The following STX8 variants were observed in gnomAD, a reference collection of about 807,000 sequenced individuals.
The protein encoded by STX8 is syntaxin 8, also known as syntaxin-8.
In STX8, 23 loss-of-function variants were observed where a neutral mutation model predicts 37.5. That is an observed-to-expected ratio of 0.61 (90% CI 0.44 to 0.87). STX8 has a LOEUF of 0.87. Ranked by LOEUF, STX8 falls within the 40% of genes least tolerant of loss-of-function variation. The pLI, the probability that STX8 is intolerant of heterozygous loss-of-function variation, is 0.00. For synonymous variants in STX8, 115 were observed against 99.1 expected (o/e 1.16, Z -0.95); for missense variants, 313 against 284.7 (o/e 1.10, Z -0.71).
chr17:9,550,348 A>T (rs1308432003), intron 3 of STX8, among the ~76,000 whole-genome samples: 2 of 152,158 alleles, frequency 1.3e-5, no homozygotes, highest in South Asian at 4.1e-4. Context: ...AAAGGAAGAG[A>T]AGAGCTAACT....
intron 2 of STX8, among the ~76,000 whole-genome samples, chr17:9,560,826 G>C (rs1907205314): frequency 6.6e-6 from 1 of 151,474 alleles, no homozygotes; most frequent in Middle Eastern, 3.2e-3. Context: ...CCATGAATAT[G>C]TATAATGTTC....
intron 7 of STX8, among the ~76,000 whole-genome samples, chr17:9,287,618 A>G (rs1908125124): frequency 1.3e-5 from 2 of 152,200 alleles, no homozygotes; most frequent in South Asian, 4.1e-4. Context: ...AAACAAAGAC[A>G]AAAGAAATGC....
At chr17:9,296,721 A>G (rs1908564371) in intron 7 of STX8, among the ~76,000 whole-genome samples, 1 of 152,070 alleles carries the variant, frequency 6.6e-6, no homozygotes. Context: ...AAGTGAATAT[A>G]AAGCAGTTAT....
chr17:9,293,245 C>T (rs552255518), intron 7 of STX8, among the ~76,000 whole-genome samples: 11 of 152,276 alleles, frequency 7.2e-5, no homozygotes, highest in African/African-American at 2.6e-4. Flanking sequence ...TTGGGTAGAT[C>T]CCATGAATAC....
At chr17:9,503,932 TTTTTTA>T (rs1292109015) in intron 5 of STX8, among the ~76,000 whole-genome samples, 2 of 151,950 alleles carry the variant, frequency 1.3e-5, no homozygotes, top group Admixed American at 6.6e-5. Context: ...ACCCAGCTAA[TTTTTTA>T]TTTTTAGTAG....
At chr17:9,466,024 G>A (rs1394901823) in intron 6 of STX8, among the ~76,000 whole-genome samples, 1 of 151,766 alleles carries the variant, frequency 6.6e-6, no homozygotes, top group Non-Finnish European at 1.5e-5. Flanking sequence ...AGGCTGGAGT[G>A]CACTGGCGCA....
intron 7 of STX8, among the ~76,000 whole-genome samples, chr17:9,370,977 GAGGGAGGAAA>G (rs941213803): frequency 2.6e-5 from 4 of 151,746 alleles, no homozygotes; most frequent in African/African-American, 9.7e-5. Flanking sequence ...GGGTGGGGTT[GAGGGAGGAAA>G]AGGGAGGAAA....
At chr17:9,289,444 A>G (rs1908226390) in intron 7 of STX8, among the ~76,000 whole-genome samples, 1 of 152,172 alleles carries the variant, frequency 6.6e-6, no homozygotes, top group Non-Finnish European at 1.5e-5. Context: ...CGAGGACTCC[A>G]GGAGAGCTGA....
chr17:9,415,691 C>T (rs1913164861), intron 6 of STX8, among the ~76,000 whole-genome samples: 1 of 152,142 alleles, frequency 6.6e-6, no homozygotes, highest in African/African-American at 2.4e-5. Flanking sequence ...ATGGCGTGAA[C>T]CCGGTAGGTG....
At chr17:9,351,827 A>C (rs1237707507) in intron 7 of STX8, among the ~76,000 whole-genome samples, 3 of 152,134 alleles carry the variant, frequency 2.0e-5, no homozygotes, top group Non-Finnish European at 4.4e-5. Flanking sequence ...TTTTTGGCAT[A>C]AATACAGTAG....
At chr17:9,398,132 C>A (rs747107131) in intron 6 of STX8, among the ~76,000 whole-genome samples, 3 of 152,054 alleles carry the variant, frequency 2.0e-5, no homozygotes, top group Non-Finnish European at 2.9e-5. Flanking sequence ...TAGGTGTAGG[C>A]TGCATGTAGT....
At chr17:9,417,558 C>A (rs576710517) in intron 6 of STX8, among the ~76,000 whole-genome samples, 20 of 152,104 alleles carry the variant, frequency 1.3e-4, no homozygotes, top group African/African-American at 4.8e-4. Context: ...TCATAAAAAA[C>A]CCCTTGTTAA....
chr17:9,358,458 G>C (rs1910953406), intron 7 of STX8, among the ~76,000 whole-genome samples: 1 of 152,166 alleles, frequency 6.6e-6, no homozygotes, highest in Admixed American at 6.5e-5. Context: ...AGGCATAATG[G>C]AAATGACAAG....
intron 6 of STX8, among the ~76,000 whole-genome samples, chr17:9,391,931 C>T (rs1317131592): frequency 3.9e-5 from 6 of 152,126 alleles, no homozygotes; most frequent in East Asian, 1.9e-4. Context: ...AGTGCATACA[C>T]GGAGCTGACC....
chr17:9,380,709 C>CT (rs776433325), intron 6 of STX8, among the ~76,000 whole-genome samples: 80,503 of 98,542 alleles, frequency 0.82, 36,141 homozygotes, highest in Middle Eastern at 0.98. Context: ...GATACAGAAA[C>CT]TTTTTTTTTT....
intron 7 of STX8, among the ~76,000 whole-genome samples, chr17:9,370,043 G>A (rs993046528): frequency 3.3e-5 from 5 of 151,714 alleles, no homozygotes; most frequent in East Asian, 1.9e-4. Flanking sequence ...GTGAAACCCC[G>A]TCTCTACTAA....
intron 6 of STX8, among the ~76,000 whole-genome samples, chr17:9,415,424 C>G (rs1041842744): frequency 6.6e-5 from 10 of 152,110 alleles, no homozygotes; most frequent in African/African-American, 2.2e-4. Flanking sequence ...CTGGCTTCTA[C>G]TCTACATACT....
chr17:9,407,517 GC>G (rs59113650), intron 6 of STX8, among the ~76,000 whole-genome samples: 25,438 of 152,218 alleles, frequency 0.17, 2,548 homozygotes, highest in East Asian at 0.39. Flanking sequence ...AGTGACCATG[GC>G]CGTGTCACAG....
At position 9,465,696 on chromosome 17, in the gene STX8, G is replaced by A. The variant is rs962100773; in HGVS notation, c.541+26133C>T. ...AAACTGAACAGCGCTATGCGGTATC[G>A]GATCACTCGAACAACGACGACAACA... is the stretch of plus-strand genomic sequence containing the variant. On this transcript the variant is annotated intron_variant, in intron 6 of 7. Transcript: ENST00000306357. 2.6e-5 allele frequency among the ~76,000 whole-genome samples: 4 copies of A among 152,108 alleles called. No homozygotes were observed. In the South Asian group the frequency reaches 6.2e-4, roughly 24 times the overall value.
Sources: gnomAD v4.1 joint callset for allele counts (sites outside exome capture counted in the v4.1 genomes callset) on GRCh38, gnomAD v4.1.1 for gene constraint, MANE v1.5 for transcripts, NCBI Gene and HGNC (gene_info 2026-07-23, HGNC 2026-07-21) for gene names.